PRIM2: variants seen among roughly 807,000 people sequenced by gnomAD.
PRIM2 encodes the protein DNA primase subunit 2.
A neutral mutation model predicts 67.3 loss-of-function variants in PRIM2; 39 were observed. The observed-to-expected ratio is 0.58, with a 90% CI of 0.45 to 0.76. The LOEUF (loss-of-function observed/expected upper bound fraction) is 0.76, where lower values mean the gene tolerates loss of function less well. Among genes scored for constraint, PRIM2 ranks in the 30% least tolerant of loss-of-function variants. The pLI, the probability that PRIM2 is intolerant of heterozygous loss-of-function variation, is 0.00. For missense variants in PRIM2, 398 were observed against 598.7 expected, an observed-to-expected ratio of 0.66 and a Z score of 3.50; for synonymous variants, 143 against 198.7, an observed-to-expected ratio of 0.72 and a Z score of 2.36.
intron 7 of PRIM2, among the ~76,000 whole-genome samples, chr6:57,467,608 G>A (rs1261558937): frequency 6.6e-6 from 1 of 152,142 alleles, no homozygotes; most frequent in Non-Finnish European, 1.5e-5. Context: ...TGGCTGTACA[G>A]GCTCTTTTTT....
At chr6:57,351,025 A>ATAAT (rs1768840904) in intron 5 of PRIM2, among the ~76,000 whole-genome samples, 1 of 150,446 alleles carries the variant, frequency 6.6e-6, no homozygotes, top group Non-Finnish European at 1.5e-5. Flanking sequence ...GATCAGGGTG[A>ATAAT]CATGTTATAA....
At chr6:57,367,273 C>A (rs886774956) in intron 5 of PRIM2, among the ~76,000 whole-genome samples, 1 of 152,088 alleles carries the variant, frequency 6.6e-6, no homozygotes, top group African/African-American at 2.4e-5. Flanking sequence ...GTAATTATTT[C>A]CTTTTTTATT....
At chr6:57,506,532 A>C (rs1774254883) in intron 7 of PRIM2, among the ~76,000 whole-genome samples, 1 of 152,076 alleles carries the variant, frequency 6.6e-6, no homozygotes, top group Non-Finnish European at 1.5e-5. Context: ...GATTAGTAAA[A>C]TATGAGAACC....
chr6:57,341,459 C>T (rs906403282), intron 5 of PRIM2, among the ~76,000 whole-genome samples: 16 of 152,136 alleles, frequency 1.1e-4, no homozygotes, highest in Admixed American at 4.6e-4. Context: ...ACTTTCCAGG[C>T]AGAGACCTTT....
At chr6:57,446,433 T>TTTTTTTTTTTTTTTTG (rs1772369420) in intron 7 of PRIM2, among the ~76,000 whole-genome samples, 2 of 143,320 alleles carry the variant, frequency 1.4e-5, no homozygotes, top group African/African-American at 2.6e-5. Flanking sequence ...TTTTTTTTTT[T>TTTTTTTTTTTTTTTTG]GAGACAGTCT....
intron 10 of PRIM2, among the ~76,000 whole-genome samples, chr6:57,567,910 G>GT (rs1451558584): frequency 1.3e-5 from 2 of 152,192 alleles, no homozygotes; most frequent in East Asian, 3.9e-4. Context: ...TCTGCATTAT[G>GT]TTTTCATAGT....
chr6:57,388,785 G>T (rs904794172), intron 7 of PRIM2, among the ~76,000 whole-genome samples: 11 of 152,160 alleles, frequency 7.2e-5, no homozygotes, highest in Admixed American at 2.6e-4. Context: ...AAAATAAAGA[G>T]TTCTATTCTG....
chr6:57,383,276 C>T (rs1327136695), intron 7 of PRIM2: 5 of 151,900 alleles, frequency 3.3e-5, no homozygotes, highest in Non-Finnish European at 7.4e-5. Flanking sequence ...GTTTTATTCA[C>T]CCATATTCTC....
the PRIM2 span, among the ~76,000 whole-genome samples, chr6:57,309,581 T>C: frequency 6.6e-6 from 1 of 152,120 alleles, no homozygotes; most frequent in Non-Finnish European, 1.5e-5. Flanking sequence ...GACATTTGGG[T>C]TGGTTCCAAG....
At chr6:57,627,429 C>T (rs1345380291) in intron 12 of PRIM2, among the ~76,000 whole-genome samples, 4 of 151,244 alleles carry the variant, frequency 2.6e-5, no homozygotes, top group Non-Finnish European at 4.4e-5. Flanking sequence ...TGCTCTGTCA[C>T]CCAGGCTGGA....
chr6:57,492,394 T>C (rs1244970089), intron 7 of PRIM2, among the ~76,000 whole-genome samples: 1 of 151,768 alleles, frequency 6.6e-6, no homozygotes, highest in East Asian at 1.9e-4. Flanking sequence ...AATACAAAAA[T>C]TAGCAGGGCA....
At chr6:57,527,757 T>C (rs1774790478) in intron 8 of PRIM2, among the ~76,000 whole-genome samples, 1 of 152,196 alleles carries the variant, frequency 6.6e-6, no homozygotes, top group Admixed American at 6.5e-5. Flanking sequence ...TAGGTTTAAG[T>C]AGCTGTGATG....
chr6:57,459,720 C>T (rs2127396085), intron 7 of PRIM2, among the ~76,000 whole-genome samples: 1 of 152,280 alleles, frequency 6.6e-6, no homozygotes, highest in Non-Finnish European at 1.5e-5. Context: ...ATTCCTTCTT[C>T]AAAAACATGT....
At chr6:57,345,474 A>ATGTGTGTGTGTG (rs754685184) in intron 5 of PRIM2, among the ~76,000 whole-genome samples, 57 of 124,588 alleles carry the variant, frequency 4.6e-4, no homozygotes, top group East Asian at 1.8e-3. Context: ...ATATATATAT[A>ATGTGTGTGTGTG]TGTGTGTGTG....
chr6:57,247,305 C>T, the PRIM2 span, among the ~76,000 whole-genome samples: 2 of 152,158 alleles, frequency 1.3e-5, no homozygotes, highest in Admixed American at 1.3e-4. Flanking sequence ...GATTATTCAT[C>T]ATTTCTCGGG....
the PRIM2 span, among the ~76,000 whole-genome samples, chr6:57,257,193 A>T: frequency 6.6e-6 from 1 of 152,216 alleles, no homozygotes; most frequent in Non-Finnish European, 1.5e-5. Flanking sequence ...AATGTAGATG[A>T]AAATCTTTGA....
At chr6:57,600,004 A>C (rs1276400004) in intron 10 of PRIM2, among the ~76,000 whole-genome samples, 1 of 152,128 alleles carries the variant, frequency 6.6e-6, no homozygotes, top group Non-Finnish European at 1.5e-5. Flanking sequence ...TTGTCTGTAC[A>C]TGTCTACCAT....
the PRIM2 span, among the ~76,000 whole-genome samples, chr6:57,258,403 T>A: frequency 6.6e-6 from 1 of 151,468 alleles, no homozygotes; most frequent in East Asian, 1.9e-4. Flanking sequence ...AAAGGCATAG[T>A]GTCTCTTTAT....
the PRIM2 span, among the ~76,000 whole-genome samples, chr6:57,237,382 G>A: frequency 2.6e-5 from 4 of 152,200 alleles, no homozygotes; most frequent in South Asian, 6.2e-4. Flanking sequence ...TCACTCTGAT[G>A]GTAGTTTCTT....
Sources: allele counts gnomAD v4.1 joint callset (sites outside exome capture counted in the v4.1 genomes callset), GRCh38; gene constraint gnomAD v4.1.1; transcripts MANE v1.5; gene names NCBI Gene and HGNC (gene_info 2026-07-23, HGNC 2026-07-21).